The following CLEC16A variants were observed in gnomAD, a reference collection of about 807,000 sequenced individuals.
CLEC16A encodes protein CLEC16A.
A neutral mutation model predicts 109.5 loss-of-function variants in CLEC16A; 51 were observed. That is an observed-to-expected ratio of 0.47 (90% CI 0.37 to 0.59). The LOEUF (loss-of-function observed/expected upper bound fraction) is 0.59, where lower values mean the gene tolerates loss of function less well. CLEC16A is among the 20% of genes least tolerant of loss of function. The pLI, the probability that CLEC16A is intolerant of heterozygous loss-of-function variation, is 0.00. For missense variants in CLEC16A, 1,339 were observed against 1,394.0 expected, an observed-to-expected ratio of 0.96 and a Z score of 0.63; for synonymous variants, 673 against 564.2, an observed-to-expected ratio of 1.19 and a Z score of -2.73.
chr16:11,175,060 C>A (rs2068692487), intron 23 of CLEC16A, among the ~76,000 whole-genome samples: 1 of 152,268 alleles, frequency 6.6e-6, no homozygotes, highest in Non-Finnish European at 1.5e-5. Flanking sequence ...TTGCCCTCCA[C>A]TTGCTCTACA....
intron 22 of CLEC16A, among the ~76,000 whole-genome samples, chr16:11,153,578 G>A (rs939619123): frequency 4.7e-5 from 7 of 150,312 alleles, no homozygotes; most frequent in African/African-American, 1.7e-4. Flanking sequence ...TACTAGATAC[G>A]TTCCTTAAAA....
intron 15 of CLEC16A, among the ~76,000 whole-genome samples, chr16:11,043,052 G>C (rs2047434278): frequency 6.9e-6 from 1 of 145,440 alleles, no homozygotes; most frequent in African/African-American, 2.7e-5. Context: ...TCATTTATAA[G>C]TGTGTATATA....
At position 11,136,007 on chromosome 16, in the gene CLEC16A, A is replaced by T. The variant is rs529995005; in HGVS notation, c.2641+9861A>T. Reference sequence around the variant, plus strand: ...TCCCACCCCAGGGTGTCCATGATCAATCCCAGCATCCTTTTTTTCATTGTT... The same window carrying T: ...TCCCACCCCAGGGTGTCCATGATCATTCCCAGCATCCTTTTTTTCATTGTT... On this transcript the variant is annotated intron_variant, in intron 22 of 23. Coordinates refer to ENST00000409790, the MANE Select transcript of CLEC16A (RefSeq NM_015226.3). 2.0e-5 allele frequency: 3 copies of T among 152,430 alleles called. No individual in the cohort carries two copies. In the East Asian group the frequency reaches 5.8e-4, roughly 29 times the overall value. 9.4% of individuals were successfully genotyped at this position (152,430 alleles called of 1,614,324 possible).
intron 11 of CLEC16A, among the ~76,000 whole-genome samples, chr16:11,012,601 A>AG (rs1418790070): frequency 1.0e-5 from 1 of 98,640 alleles, no homozygotes; most frequent in Non-Finnish European, 2.0e-5. Context: ...TCTCAAAAAA[A>AG]AAAAAAAAAA....
At chr16:11,157,093 T>TTTAA in intron 22 of CLEC16A, 1 of 1,304,158 alleles carries the variant, frequency 7.7e-7, no homozygotes, top group South Asian at 1.2e-5. Context: ...AAGGATAGTG[T>TTTAA]TTAAAATCTG....
chr16:10,947,896 C>T (rs186062758), intron 1 of CLEC16A, among the ~76,000 whole-genome samples: 61 of 147,098 alleles, frequency 4.1e-4, no homozygotes, highest in African/African-American at 1.6e-3. Flanking sequence ...TGGAAACCCT[C>T]TTCTTTTTTT....
intron 22 of CLEC16A, 62 bp from the exon 23 acceptor site, chr16:11,166,326 A>C (rs1175986596): frequency 4.7e-6 from 7 of 1,504,952 alleles, no homozygotes; most frequent in Non-Finnish European, 5.3e-6. Context: ...TGGAACCATG[A>C]CATTGAGGCC....
At chr16:11,153,852 T>C (rs1329382463) in intron 22 of CLEC16A, among the ~76,000 whole-genome samples, 1 of 152,126 alleles carries the variant, frequency 6.6e-6, no homozygotes, top group Non-Finnish European at 1.5e-5. Context: ...GTTGGACACA[T>C]TAGCTCAGCA....
rs201130241 is a variant in CLEC16A at position 11,123,807 on chromosome 16, G to C, written c.2334G>C (p.Ala778=). 1 of 1,613,910 alleles carries C rather than the reference G, an allele frequency of 6.2e-7. No homozygotes were observed. The highest frequency in any genetic ancestry group is 1.1e-5 in the South Asian group (1 of 91,092). ...RALNITIHKP[A]SSPHSKPFPI... Reference sequence around the variant, plus strand: ...TGAACATCACCATCCACAAGCCTGCGTCCAGCCCCCATTCCAAGCCCTTCC... The same window carrying C: ...TGAACATCACCATCCACAAGCCTGCCTCCAGCCCCCATTCCAAGCCCTTCC... The change falls in exon 21 of 24, where the codon GCG becomes GCC. Residue 778 remains alanine (A), a synonymous_variant. Coordinates refer to ENST00000409790, the MANE Select transcript of CLEC16A (RefSeq NM_015226.3).
chr16:11,014,337 G>T (rs192061870), intron 11 of CLEC16A, among the ~76,000 whole-genome samples: 3 of 152,002 alleles, frequency 2.0e-5, no homozygotes, highest in Admixed American at 6.6e-5. Flanking sequence ...TGATTCCATC[G>T]GTCTGTTATG....
At position 11,180,047 on chromosome 16, in the gene CLEC16A, C is replaced by T. The variant is rs1165514542; in HGVS notation, c.*1357C>T. The T allele has an allele frequency of 2.6e-5, 4 of 152,448 alleles. No individual in the cohort carries two copies. The allele number at this position is 152,448 out of a possible 1,614,324, so 9.4% of individuals were successfully genotyped here. A position where few individuals can be genotyped will look rare whatever the true frequency, so the allele number is the denominator to read the frequency against. ...CCTCTCTGGTCACTGGTGAGACCTT[C>T]CACAACTTTCCTCCAGACCTGCCAG... On this transcript the variant is annotated 3_prime_UTR_variant, in exon 24 of 24. Coordinates refer to ENST00000409790, the MANE Select transcript of CLEC16A (RefSeq NM_015226.3).
intron 19 of CLEC16A, among the ~76,000 whole-genome samples, chr16:11,116,937 C>T (rs1347165543): frequency 6.6e-6 from 1 of 152,154 alleles, no homozygotes; most frequent in East Asian, 1.9e-4. Context: ...AACCCAGGTG[C>T]CCATCAATGG....
chr16:11,034,933 G>A (rs978992100), intron 13 of CLEC16A, among the ~76,000 whole-genome samples: 4 of 152,128 alleles, frequency 2.6e-5, no homozygotes, highest in African/African-American at 9.7e-5. Context: ...ATGAGTGTGT[G>A]TGTGTGTTTG....
chr16:10,997,821 C>G (rs1035342057), intron 10 of CLEC16A, among the ~76,000 whole-genome samples: 1 of 152,236 alleles, frequency 6.6e-6, no homozygotes, highest in African/African-American at 2.4e-5. Flanking sequence ...ATGATATGCA[C>G]TTATGTTTCA....
intron 18 of CLEC16A, among the ~76,000 whole-genome samples, chr16:11,058,468 A>G (rs992325982): frequency 6.6e-6 from 1 of 152,118 alleles, no homozygotes; most frequent in Non-Finnish European, 1.5e-5. Flanking sequence ...GTTATACTGT[A>G]TTGATTAGGG....
intron 19 of CLEC16A, among the ~76,000 whole-genome samples, chr16:11,065,356 A>T (rs1026683025): frequency 6.6e-6 from 1 of 152,240 alleles, no homozygotes; most frequent in African/African-American, 2.4e-5. Flanking sequence ...GGCACCTAAC[A>T]TTCACATAGT....
intron 22 of CLEC16A, among the ~76,000 whole-genome samples, chr16:11,154,618 G>A (rs2054432929): frequency 6.6e-6 from 1 of 152,132 alleles, no homozygotes; most frequent in African/African-American, 2.4e-5. Flanking sequence ...TTTGTCTAAA[G>A]ACACTTACGA....
At chr16:10,999,341 C>CT (rs543675214) in intron 10 of CLEC16A, among the ~76,000 whole-genome samples, 245 of 152,294 alleles carry the variant, frequency 1.6e-3, no homozygotes, top group African/African-American at 5.5e-3. Context: ...AGTGCCACTG[C>CT]TTTTTTTAAT....
intron 22 of CLEC16A, among the ~76,000 whole-genome samples, chr16:11,160,835 A>G (rs971069978): frequency 2.6e-5 from 4 of 152,216 alleles, no homozygotes; most frequent in African/African-American, 9.7e-5. Context: ...ATTCATCCTC[A>G]TAGCTCAGGG....
Sources: allele counts gnomAD v4.1 joint callset (sites outside exome capture counted in the v4.1 genomes callset), GRCh38; gene constraint gnomAD v4.1.1; transcripts MANE v1.5; gene names NCBI Gene and HGNC (gene_info 2026-07-23, HGNC 2026-07-21).